EXOC4: variants seen among roughly 807,000 people sequenced by gnomAD.
The protein encoded by EXOC4 is exocyst complex component 4.
In EXOC4, 71 loss-of-function variants were observed where a neutral mutation model predicts 107.2. The observed-to-expected ratio is 0.66, with a 90% CI of 0.55 to 0.81. The LOEUF (loss-of-function observed/expected upper bound fraction) is 0.81, where lower values mean the gene tolerates loss of function less well. Among genes scored for constraint, EXOC4 ranks in the 30% least tolerant of loss-of-function variants. The probability of loss-of-function intolerance (pLI) is 0.00; values close to 1 mark genes in which losing one functional copy is unlikely to be tolerated. For missense variants in EXOC4, 1,108 were observed against 1,189.6 expected (o/e 0.93, Z 1.01); for synonymous variants, 456 against 441.2 (o/e 1.03, Z -0.42).
chr7:134,039,755 G>T lies in EXOC4; in HGVS notation c.2688-24536G>T, dbSNP rs555925053. On this transcript the variant is annotated intron_variant, in intron 17 of 17. Transcript: ENST00000253861. ...CTCATCATCTTCTCTCATACAGCAG[G>T]TCCCCATTTCTAACTTTGATAGCAT... 6.3e-4 allele frequency among the ~76,000 whole-genome samples: 96 copies of T among 152,260 alleles called. 1 individual carries two copies. The highest frequency in any genetic ancestry group is 2.2e-3 in the African/African-American group (93 of 41,550).
intron 8 of EXOC4, chr7:133,479,806 T>C (rs1309398986): frequency 1.0e-5 from 5 of 494,172 alleles, no homozygotes; most frequent in East Asian, 9.8e-5. Context: ...GTTGTACCAG[T>C]TGAAATGCAG....
At chr7:133,906,480 TAAAG>T (rs1799568074) in intron 12 of EXOC4, among the ~76,000 whole-genome samples, 1 of 151,782 alleles carries the variant, frequency 6.6e-6, no homozygotes, top group Non-Finnish European at 1.5e-5. Context: ...AAACAGGAGG[TAAAG>T]AAATAGCCAA....
intron 10 of EXOC4, among the ~76,000 whole-genome samples, chr7:133,687,790 A>G (rs1794338389): frequency 6.6e-6 from 1 of 152,108 alleles, no homozygotes; most frequent in Non-Finnish European, 1.5e-5. Flanking sequence ...ATATTCTTCA[A>G]TCTGTCCTTA....
intron 5 of EXOC4, among the ~76,000 whole-genome samples, chr7:133,338,177 G>T (rs573102134): frequency 1.3e-5 from 2 of 151,958 alleles, no homozygotes; most frequent in African/African-American, 4.8e-5. Context: ...TTTAAATCAT[G>T]TATTTAATTC....
chr7:133,618,297 G>C (rs1464377889), intron 9 of EXOC4, among the ~76,000 whole-genome samples: 1 of 151,006 alleles, frequency 6.6e-6, no homozygotes, highest in Non-Finnish European at 1.5e-5. Flanking sequence ...CATTTTGAGA[G>C]CTTTTTTTTT....
At chr7:134,099,379 G>A in the EXOC4 span, among the ~76,000 whole-genome samples, 98 of 152,118 alleles carry the variant, frequency 6.4e-4, 1 homozygote, top group African/African-American at 2.2e-3. Flanking sequence ...CCTGAAGACC[G>A]TCATGTGACA....
rs191864707 is a variant in EXOC4, at chr7:133,549,223, C to T, written c.1417+69085C>T. Reference sequence around the variant, plus strand: ...GTTAGGCTGGTCTTGAACCCCTGCCCTCAAGTGATCTGCCCGCCTTGGCCT... The same window carrying T: ...GTTAGGCTGGTCTTGAACCCCTGCCTTCAAGTGATCTGCCCGCCTTGGCCT... On this transcript the variant is annotated intron_variant, in intron 9 of 17. Transcript: ENST00000253861. Among the ~76,000 whole-genome samples, 6 of 152,214 alleles carry T rather than the reference C, an allele frequency of 3.9e-5. No homozygotes were observed. In the East Asian group the frequency reaches 1.2e-3, roughly 29 times the overall value.
intron 5 of EXOC4, among the ~76,000 whole-genome samples, chr7:133,343,887 C>G (rs1795724235): frequency 6.6e-6 from 1 of 151,416 alleles, no homozygotes; most frequent in South Asian, 2.1e-4. Context: ...AATCATACCT[C>G]TCTGCAGCCT....
At chr7:133,569,188 G>T (rs950729689) in intron 9 of EXOC4, among the ~76,000 whole-genome samples, 4 of 151,966 alleles carry the variant, frequency 2.6e-5, no homozygotes, top group Admixed American at 6.6e-5. Flanking sequence ...AATTAAGCAA[G>T]AAAAGCCTCA....
At chr7:133,792,573 A>AAC (rs1796727520) in intron 10 of EXOC4, among the ~76,000 whole-genome samples, 1 of 150,344 alleles carries the variant, frequency 6.7e-6, no homozygotes, top group South Asian at 2.1e-4. Context: ...AAAAAAAAAA[A>AAC]CCTAAAAGGT....
chr7:133,643,447 C>T (rs959919606), intron 10 of EXOC4, among the ~76,000 whole-genome samples: 2 of 152,098 alleles, frequency 1.3e-5, no homozygotes, highest in African/African-American at 4.8e-5. Context: ...TTGGTAACAC[C>T]CTCACAGACA....
In EXOC4 at chr7:133,886,703, A is replaced by G. The variant is rs914050964; in HGVS notation, c.1735-8896A>G. 1.1e-4 allele frequency among the ~76,000 whole-genome samples: 17 copies of G among 152,338 alleles called. 1 individual carries two copies. The highest frequency in any genetic ancestry group is 1.5e-5 in the Non-Finnish European group (1 of 68,018). ...AAAATCAGGGTTTTGCTTATTATAA[A>G]GTCATTATAGTCAACATTAGCAAAT... On this transcript the variant is annotated intron_variant, in intron 11 of 17. Coordinates refer to ENST00000253861, the MANE Select transcript of EXOC4 (RefSeq NM_021807.4).
At chr7:133,261,618 C>T (rs1246548014) in intron 1 of EXOC4, among the ~76,000 whole-genome samples, 1 of 152,092 alleles carries the variant, frequency 6.6e-6, no homozygotes, top group African/African-American at 2.4e-5. Context: ...TTGTATTCCA[C>T]TATTCTTGAG....
downstream of EXOC4, among the ~76,000 whole-genome samples, chr7:134,067,638 T>TACAC (rs60853968): frequency 1.5e-5 from 2 of 132,072 alleles, no homozygotes; most frequent in Admixed American, 7.6e-5. Flanking sequence ...TATATATATA[T>TACAC]ACACACACAC....
Position 134,056,290 on chromosome 7 carries a change from C to T in EXOC4, c.2688-8001C>T, listed in dbSNP as rs539197350. Among the ~76,000 whole-genome samples, 15 of 152,294 alleles carry T rather than the reference C, an allele frequency of 9.8e-5. No homozygotes were observed. The South Asian group carries it at 3.1e-3, about 32-fold the overall frequency. On this transcript the variant is annotated intron_variant, in intron 17 of 17. Coordinates refer to ENST00000253861, the MANE Select transcript of EXOC4 (RefSeq NM_021807.4). ...TCAGCTCAGAATAGCACTCCTTAACCTGGACTCACCTTTTGATAATCAAAA... is the reference window on the plus strand; with the variant it reads ...TCAGCTCAGAATAGCACTCCTTAACTTGGACTCACCTTTTGATAATCAAAA...
chr7:133,343,835 ATT>A (rs769252468), intron 5 of EXOC4, among the ~76,000 whole-genome samples: 1 of 143,580 alleles, frequency 7.0e-6, no homozygotes. Flanking sequence ...TATCTTTGAG[ATT>A]TTTTTTTTTT....
downstream of EXOC4, among the ~76,000 whole-genome samples, chr7:134,067,634 T>TAC (rs375285410): frequency 0.05 from 6,635 of 133,544 alleles, 236 homozygotes; most frequent in Non-Finnish European, 0.059. Flanking sequence ...CTTATATATA[T>TAC]ATATACACAC....
At chr7:133,975,459 A>G (rs1370175770) in intron 14 of EXOC4, among the ~76,000 whole-genome samples, 3 of 152,186 alleles carry the variant, frequency 2.0e-5, no homozygotes, top group Non-Finnish European at 4.4e-5. Flanking sequence ...GGAAAGTAAA[A>G]ATTTATAATC....
At chr7:133,935,792 T>G (rs1187853351) in intron 13 of EXOC4, among the ~76,000 whole-genome samples, 1 of 152,220 alleles carries the variant, frequency 6.6e-6, no homozygotes, top group African/African-American at 2.4e-5. Context: ...GGAATAAGAC[T>G]TCCATGAGTT....
Sources: gnomAD v4.1 joint callset for allele counts (sites outside exome capture counted in the v4.1 genomes callset) on GRCh38, gnomAD v4.1.1 for gene constraint, MANE v1.5 for transcripts, NCBI Gene and HGNC (gene_info 2026-07-23, HGNC 2026-07-21) for gene names.